Variants in GTF3C1 observed in about 807,000 individuals in gnomAD.
GTF3C1 encodes the protein general transcription factor IIIC subunit 1, also known as general transcription factor 3C polypeptide 1.
GTF3C1 carries 57 observed loss-of-function variants against 226.7 expected under a neutral mutation model. The observed-to-expected ratio is 0.25, with a 90% CI of 0.20 to 0.31. GTF3C1 has a LOEUF of 0.31. Ranked by LOEUF, GTF3C1 falls within the 10% of genes least tolerant of loss-of-function variation. The pLI, the probability that GTF3C1 is intolerant of heterozygous loss-of-function variation, is 1.00. For synonymous variants in GTF3C1, 1,090 were observed against 1,084.8 expected, an observed-to-expected ratio of 1.00 and a Z score of -0.09; for missense variants, 2,217 against 2,776.1, an observed-to-expected ratio of 0.80 and a Z score of 4.53.
At chr16:27,489,539 G>C in intron 20 of GTF3C1, 63 bp downstream of exon 20, 4 of 1,322,540 alleles carry the variant, frequency 3.0e-6, no homozygotes, top group African/African-American at 1.4e-5. Context: ...GGGCGGGCAG[G>C]CATCTGAAAT....
At chr16:27,542,091 AAC>A (rs1388236142) in intron 2 of GTF3C1, among the ~76,000 whole-genome samples, 1 of 152,222 alleles carries the variant, frequency 6.6e-6, no homozygotes, top group African/African-American at 2.4e-5. Context: ...GTCAGTTTGA[AAC>A]CTCTGCCTTG....
chr16:27,512,505 T>C (rs1208422037), intron 6 of GTF3C1, among the ~76,000 whole-genome samples: 1 of 152,072 alleles, frequency 6.6e-6, no homozygotes, highest in Non-Finnish European at 1.5e-5. Flanking sequence ...ACTACAGCAC[T>C]CTTTATAGCA....
Position 27,470,395 on chromosome 16 carries a change from C to G in GTF3C1, c.4527G>C (p.Arg1509Ser). The G allele has an allele frequency of 6.2e-7, 1 of 1,611,802 alleles. No homozygotes were observed. Among genetic ancestry groups the G allele is most frequent in the Non-Finnish European group, 8.5e-7 (1 of 1,178,802 alleles). ...TGCTTGGAAATCGCCACGTAAAAAT[C>G]CTACAGACAAAAAGAAAGGAAGGGC... ...MSYQLSQTYY[R>S]IFTWRFPSTI... is the part of the protein sequence containing the mutation. Residue 1509 changes from arginine to serine, a missense_variant and splice_region_variant, in exon 31 of 37, where the codon AGG (arginine) becomes AGC (serine). By Grantham distance (110) the Arg-to-Ser change is moderately radical. Around this residue, in one of 12 missense-constraint regions of GTF3C1, gnomAD observed 546 missense variants for 663.0 expected, o/e 0.82. Coordinates refer to ENST00000356183, the MANE Select transcript of GTF3C1 (RefSeq NM_001520.4). The surrounding 1 kb of genome is among the most constrained non-coding windows in gnomAD (Gnocchi z 4.9).
rs182910264 is a variant in GTF3C1 at position 27,544,433 on chromosome 16, T to C, written c.431+881A>G. ...GGAGAAAGATGAGCTAACTGAGAGG[T>C]GGAAAAGAGCAGGGGTAGAGGGAGC... On this transcript the variant is annotated intron_variant, in intron 2 of 36. Coordinates refer to ENST00000356183, the MANE Select transcript of GTF3C1 (RefSeq NM_001520.4). 2.6e-4 allele frequency among the ~76,000 whole-genome samples: 35 copies of C among 134,000 alleles called. No homozygotes were observed. In the East Asian group the frequency reaches 6.4e-3, roughly 24 times the overall value. The allele number at this position is 134,000 out of a possible 152,430, so 87.9% of individuals were successfully genotyped here. A position where few individuals can be genotyped will look rare whatever the true frequency, so the allele number is the denominator to read the frequency against.
chr16:27,504,752 A>C (rs2088458235), intron 10 of GTF3C1, among the ~76,000 whole-genome samples: 1 of 151,708 alleles, frequency 6.6e-6, no homozygotes, highest in South Asian at 2.1e-4. Flanking sequence ...CATCTCTACA[A>C]AAAAATACAA....
At chr16:27,494,177 G>A (rs533865986) in intron 16 of GTF3C1, among the ~76,000 whole-genome samples, 9 of 152,094 alleles carry the variant, frequency 5.9e-5, no homozygotes, top group Non-Finnish European at 7.4e-5. Context: ...CAAGACGGGC[G>A]GATCACAAGG....
intron 26 of GTF3C1, 24 bp from the exon 27 acceptor site, chr16:27,481,215 GTTAAGCCC>G (rs763715188): frequency 1.4e-5 from 23 of 1,595,976 alleles, no homozygotes; most frequent in Non-Finnish European, 7.7e-6. Context: ...AGCATGAGAG[GTTAAGCCC>G]TTACTCTTCC....
intron 2 of GTF3C1, among the ~76,000 whole-genome samples, chr16:27,538,779 T>C (rs1296776077): frequency 2.0e-5 from 3 of 152,134 alleles, no homozygotes; most frequent in Non-Finnish European, 4.4e-5. Context: ...GCCCTTGCTG[T>C]TTCCTCGGCC....
Position 27,533,426 on chromosome 16 carries a change from T to C in GTF3C1, c.753-39A>G, listed in dbSNP as rs2088952351. 5 of 1,078,898 alleles carry C rather than the reference T, an allele frequency of 4.6e-6. No homozygotes were observed. In the South Asian group the frequency reaches 6.3e-5, roughly 14 times the overall value. 66.8% of individuals were successfully genotyped at this position (1,078,898 alleles called of 1,614,324 possible). A position where few individuals can be genotyped will look rare whatever the true frequency, so the allele number is the denominator to read the frequency against. ...CGAGCAATTCGTTTTTTCAAACCTGTTGCTGAAGTCAATATTTACTGCCTG... is the reference window on the plus strand; with the variant it reads ...CGAGCAATTCGTTTTTTCAAACCTGCTGCTGAAGTCAATATTTACTGCCTG... On this transcript the variant is annotated intron_variant, in intron 4 of 36. Transcript: ENST00000356183.
chr16:27,496,860 G>A (rs2088326879), intron 14 of GTF3C1, among the ~76,000 whole-genome samples: 1 of 152,222 alleles, frequency 6.6e-6, no homozygotes, highest in Non-Finnish European at 1.5e-5. Flanking sequence ...CACCCGCGCT[G>A]CCCCTGGTCC....
rs1394001284 is a variant in GTF3C1 at position 27,492,573 on chromosome 16, T to C, written c.2973+44A>G. On this transcript the variant is annotated intron_variant, in intron 18 of 36. Coordinates refer to ENST00000356183, the MANE Select transcript of GTF3C1 (RefSeq NM_001520.4). The surrounding 1 kb of genome is among the most constrained non-coding windows in gnomAD (Gnocchi z 5.0). The stretch of plus-strand genomic sequence containing the variant: ...ATTGGGTCTGGCTGCTTGGAGACCG[T>C]TTAACAATCAGAATTTCCTTCGTTT... 6.5e-7 allele frequency: 1 copy of C among 1,542,920 alleles called. No individual in the cohort carries two copies.
chr16:27,498,431 C>T (rs2088353547), intron 13 of GTF3C1, among the ~76,000 whole-genome samples, 199 bp downstream of exon 13: 2 of 152,176 alleles, frequency 1.3e-5, no homozygotes, highest in Admixed American at 1.3e-4. Flanking sequence ...AGAATAAAGA[C>T]CATTAGGACT....
At chr16:27,479,322 T>G (rs1043897220) in intron 27 of GTF3C1, among the ~76,000 whole-genome samples, 1 of 152,102 alleles carries the variant, frequency 6.6e-6, no homozygotes, top group African/African-American at 2.4e-5. Context: ...TTCCCCATTT[T>G]TTTTTTGAGT....
intron 12 of GTF3C1, among the ~76,000 whole-genome samples, chr16:27,500,426 T>G (rs1419036208): frequency 6.6e-6 from 1 of 152,168 alleles, no homozygotes; most frequent in Non-Finnish European, 1.5e-5. Context: ...TGCTCTGCAG[T>G]TTTCAAATTT....
chr16:27,488,499 T>C lies in GTF3C1; in HGVS notation c.3511+55A>G, dbSNP rs1419499352. 5 of 1,562,584 alleles carry C rather than the reference T, an allele frequency of 3.2e-6. No individual in the cohort carries two copies. In the African/African-American group the frequency reaches 6.8e-5, roughly 21 times the overall value. ...CCAAACCGAACATAGGGTAGTCGTT[T>C]AGGCCCTGAACTGGTACCATATTAA... On this transcript the variant is annotated intron_variant, in intron 22 of 36. Transcript: ENST00000356183.
chr16:27,468,437 C>T (rs1016971231), intron 32 of GTF3C1, among the ~76,000 whole-genome samples: 7 of 152,062 alleles, frequency 4.6e-5, no homozygotes, highest in African/African-American at 1.4e-4. Context: ...CAGAGGAAGG[C>T]CCCGTCTCTA....
At chr16:27,519,906 C>T (rs566632750) in intron 6 of GTF3C1, among the ~76,000 whole-genome samples, 5 of 152,114 alleles carry the variant, frequency 3.3e-5, no homozygotes, top group Non-Finnish European at 7.4e-5. Flanking sequence ...CAAGAGTTCG[C>T]GACTGGCATG....
Position 27,461,773 on chromosome 16 carries a change from T to C in GTF3C1, c.6118-211A>G, listed in dbSNP as rs1366798210. ...GAGGCAGCTGCCTGAGCAGCACGTG[T>C]ACAGCGCTGGCTGGAGCCACCACGC... On this transcript the variant is annotated intron_variant, in intron 36 of 36. Transcript: ENST00000356183. The surrounding 1 kb of genome is among the most constrained non-coding windows in gnomAD (Gnocchi z 5.3). The C allele has an allele frequency of 5.1e-6, 3 of 585,622 alleles. No homozygotes were observed. The highest frequency in any genetic ancestry group is 9.2e-6 in the Non-Finnish European group (3 of 327,646). The allele number at this position is 585,622 out of a possible 1,614,324, so 36.3% of individuals were successfully genotyped here.
intron 6 of GTF3C1, among the ~76,000 whole-genome samples, chr16:27,517,387 C>G (rs113885664): frequency 6.6e-6 from 1 of 152,176 alleles, no homozygotes; most frequent in African/African-American, 2.4e-5. Flanking sequence ...CCCGAATAAG[C>G]GCACGTCATC....
Sources: allele counts gnomAD v4.1 joint callset (sites outside exome capture counted in the v4.1 genomes callset), GRCh38; gene constraint gnomAD v4.1.1; regional missense constraint gnomAD v4.1.1; non-coding constraint Gnocchi (gnomAD v3.1); transcripts MANE v1.5; gene names NCBI Gene and HGNC (gene_info 2026-07-23, HGNC 2026-07-21).